Variants in PLEKHM3 observed in about 807,000 individuals in gnomAD.
PLEKHM3 encodes the protein pleckstrin homology domain containing M3, also known as pleckstrin homology domain-containing family M member 3.
PLEKHM3 carries 45 observed loss-of-function variants against 81.8 expected under a neutral mutation model. The observed-to-expected ratio is 0.55, with a 90% CI of 0.43 to 0.71. PLEKHM3 has a LOEUF of 0.71. PLEKHM3 is among the 30% of genes least tolerant of loss of function. PLEKHM3 has a pLI of 0.00. For synonymous variants in PLEKHM3, 352 were observed against 356.4 expected, an observed-to-expected ratio of 0.99 and a Z score of 0.14; for missense variants, 788 against 924.3, an observed-to-expected ratio of 0.85 and a Z score of 1.91.
intron 7 of PLEKHM3, among the ~76,000 whole-genome samples, chr2:207,855,398 A>G (rs1363020149): frequency 1.3e-5 from 2 of 152,244 alleles, no homozygotes; most frequent in Non-Finnish European, 2.9e-5. Flanking sequence ...CCATACTGAT[A>G]TAAATAAACA....
chr2:207,878,704 C>T (rs377541546), intron 6 of PLEKHM3, among the ~76,000 whole-genome samples: 2 of 152,202 alleles, frequency 1.3e-5, no homozygotes, highest in Non-Finnish European at 2.9e-5. Flanking sequence ...AAAACTGAGG[C>T]TTAGAAGGCT....
At chr2:207,953,001 A>G (rs749971562) in intron 3 of PLEKHM3, among the ~76,000 whole-genome samples, 10 of 152,266 alleles carry the variant, frequency 6.6e-5, no homozygotes, top group Non-Finnish European at 1.5e-4. Context: ...AAATCAATTA[A>G]GACATTAAAC....
chr2:207,921,590 T>C (rs1312592951), intron 5 of PLEKHM3, among the ~76,000 whole-genome samples: 1 of 152,194 alleles, frequency 6.6e-6, no homozygotes, highest in Non-Finnish European at 1.5e-5. Context: ...CCTACAGTGC[T>C]ATAGAATGCC....
intron 6 of PLEKHM3, among the ~76,000 whole-genome samples, chr2:207,897,838 A>G (rs1483615682): frequency 6.6e-6 from 1 of 152,228 alleles, no homozygotes; most frequent in Non-Finnish European, 1.5e-5. Context: ...GAGTCTGGTG[A>G]TACCTTTAGA....
In PLEKHM3 at chr2:208,001,297, A is replaced by C; in HGVS notation, c.343T>G (p.Ser115Ala). ...NLSWMEQKEA[S>A]TFNFFNICQR... is the part of the protein sequence containing the mutation. ...CAGATATTGAAGAAATTAAAGGTTG[A>C]TGCTTCCTTTTGTTCCATCCAGGAA... is the stretch of plus-strand genomic sequence containing the variant. Residue 115 changes from serine to alanine, a missense_variant, in exon 2 of 8, where the codon TCA (serine) becomes GCA (alanine). Coordinates refer to ENST00000427836, the MANE Select transcript of PLEKHM3 (RefSeq NM_001080475.3). 1 of 1,614,154 alleles carries C rather than the reference A, an allele frequency of 6.2e-7. No homozygotes were observed. The highest frequency in any genetic ancestry group is 8.5e-7 in the Non-Finnish European group (1 of 1,180,020).
intron 2 of PLEKHM3, among the ~76,000 whole-genome samples, chr2:207,979,237 C>T (rs1319476598): frequency 1.3e-5 from 2 of 152,078 alleles, no homozygotes; most frequent in African/African-American, 4.8e-5. Flanking sequence ...TCTTATCAGA[C>T]ATGAAAATGA....
At chr2:207,983,134 C>T (rs1011782736) in intron 2 of PLEKHM3, among the ~76,000 whole-genome samples, 2 of 149,680 alleles carry the variant, frequency 1.3e-5, no homozygotes, top group Admixed American at 1.3e-4. Context: ...TTACTGCCAG[C>T]TCCGCCTCCC....
At chr2:207,978,177 G>T (rs1003428714) in intron 2 of PLEKHM3, among the ~76,000 whole-genome samples, 3 of 142,364 alleles carry the variant, frequency 2.1e-5, no homozygotes, top group African/African-American at 7.5e-5. Context: ...TCAACGGAGC[G>T]TGCAACATCA....
intron 7 of PLEKHM3, among the ~76,000 whole-genome samples, chr2:207,834,627 G>T (rs972736904): frequency 6.6e-6 from 1 of 151,678 alleles, no homozygotes; most frequent in Non-Finnish European, 1.5e-5. Context: ...GTTTCTCCAT[G>T]TTGGCCAGGC....
chr2:207,861,593 T>G (rs946621845), intron 6 of PLEKHM3, among the ~76,000 whole-genome samples: 4 of 152,202 alleles, frequency 2.6e-5, no homozygotes, highest in Non-Finnish European at 5.9e-5. Flanking sequence ...AGGAGTGTGG[T>G]AGGTTTCCCA....
intron 6 of PLEKHM3, chr2:207,901,357 C>G: frequency 1.4e-6 from 1 of 702,954 alleles, no homozygotes; most frequent in Non-Finnish European, 2.6e-6. Context: ...GCACCAGCAC[C>G]TTGCTAATCA....
chr2:207,858,180 A>ATATTTTTT lies in PLEKHM3; in HGVS notation c.2108+2924_2108+2925insAAAAAATA, dbSNP rs751293954. On this transcript the variant is annotated intron_variant, in intron 7 of 7. Coordinates refer to ENST00000427836, the MANE Select transcript of PLEKHM3 (RefSeq NM_001080475.3). ...TGTGTGTGTGTGTGTGTGTGTATAT[A>ATATTTTTT]TTTTTTTTTTTGAGATGAAGTCTCA... 5.2e-4 allele frequency among the ~76,000 whole-genome samples: 54 copies of ATATTTTTT among 103,844 alleles called. 1 individual carries two copies. Among genetic ancestry groups the ATATTTTTT allele is most frequent in the African/African-American group, 2.0e-3 (53 of 26,920 alleles). The allele number at this position is 103,844 out of a possible 152,430, so 68.1% of individuals were successfully genotyped here.
intron 3 of PLEKHM3, among the ~76,000 whole-genome samples, chr2:207,965,426 T>G (rs577936599): frequency 2.3e-4 from 35 of 150,082 alleles, no homozygotes; most frequent in Admixed American, 2.3e-3. Context: ...CTATGGCCTA[T>G]GAAGTTCAGG....
intron 1 of PLEKHM3, among the ~76,000 whole-genome samples, chr2:208,018,759 T>C (rs926351931): frequency 2.0e-5 from 3 of 152,174 alleles, no homozygotes; most frequent in Non-Finnish European, 2.9e-5. Context: ...CTATTGCCAT[T>C]TGGATAAACT....
intron 7 of PLEKHM3, among the ~76,000 whole-genome samples, chr2:207,842,925 G>A (rs2092362588): frequency 6.6e-6 from 1 of 152,144 alleles, no homozygotes; most frequent in South Asian, 2.1e-4. Flanking sequence ...CGGAAGCATC[G>A]AGCTGTGCTA....
At chr2:208,020,669 AAC>A (rs909927220) in intron 1 of PLEKHM3, among the ~76,000 whole-genome samples, 1 of 152,196 alleles carries the variant, frequency 6.6e-6, no homozygotes, top group African/African-American at 2.4e-5. Context: ...GTTCCTTATG[AAC>A]CAAATGCCAA....
intron 2 of PLEKHM3, among the ~76,000 whole-genome samples, chr2:207,993,306 G>C (rs567123951): frequency 1.3e-5 from 2 of 152,236 alleles, no homozygotes; most frequent in East Asian, 3.9e-4. Flanking sequence ...TCAATTTTCT[G>C]TGACCTATTT....
At position 208,001,808 on chromosome 2, in the gene PLEKHM3, C is replaced by T. The variant is rs954440020; in HGVS notation, c.-169G>A. On this transcript the variant is annotated 5_prime_UTR_variant, in exon 2 of 8. Coordinates refer to ENST00000427836, the MANE Select transcript of PLEKHM3 (RefSeq NM_001080475.3). ...CAAACCCAAAGTGGTTGATGTTTTC[C>T]TGGTAATTAAAAGCATTTGCTAGTG... 1.8e-6 allele frequency: 2 copies of T among 1,127,812 alleles called. No homozygotes were observed. Among genetic ancestry groups the T allele is most frequent in the African/African-American group, 3.1e-5 (2 of 63,792 alleles). The allele number at this position is 1,127,812 out of a possible 1,614,324, so 69.9% of individuals were successfully genotyped here. A position where few individuals can be genotyped will look rare whatever the true frequency, so the allele number is the denominator to read the frequency against.
chr2:207,872,703 G>A (rs2092541139), intron 6 of PLEKHM3, among the ~76,000 whole-genome samples: 1 of 152,118 alleles, frequency 6.6e-6, no homozygotes, highest in Non-Finnish European at 1.5e-5. Context: ...AGCCGAGGGT[G>A]GTGCTGCATG....
Sources: allele counts gnomAD v4.1 joint callset (sites outside exome capture counted in the v4.1 genomes callset), GRCh38; gene constraint gnomAD v4.1.1; transcripts MANE v1.5; gene names NCBI Gene and HGNC (gene_info 2026-07-23, HGNC 2026-07-21).